The following MAN1B1 variants were observed in gnomAD, a reference collection of about 807,000 sequenced individuals.
MAN1B1 encodes the protein mannosidase alpha class 1B member 1, also known as endoplasmic reticulum mannosyl-oligosaccharide 1,2-alpha-mannosidase.
In MAN1B1, 66 loss-of-function variants were observed where a neutral mutation model predicts 75.5. That is an observed-to-expected ratio of 0.87 (90% CI 0.72 to 1.07). The LOEUF (loss-of-function observed/expected upper bound fraction) is 1.07. Ranked by LOEUF, MAN1B1 falls within the 50% of genes least tolerant of loss-of-function variation. The pLI, the probability that MAN1B1 is intolerant of heterozygous loss-of-function variation, is 0.00. For missense variants in MAN1B1, 973 were observed against 912.5 expected (o/e 1.07, Z -0.85); for synonymous variants, 453 against 382.8 (o/e 1.18, Z -2.14).
intron 3 of MAN1B1, among the ~76,000 whole-genome samples, chr9:137,095,058 C>T (rs1438936862): frequency 2.0e-5 from 3 of 148,092 alleles, no homozygotes; most frequent in African/African-American, 7.5e-5. Context: ...TGTGGTGACA[C>T]GCGCCTGTAA....
At chr9:137,107,772 G>A (rs757636811) in intron 12 of MAN1B1, 110 bp downstream of exon 12, 41 of 1,526,426 alleles carry the variant, frequency 2.7e-5, no homozygotes, top group Non-Finnish European at 3.5e-5. Context: ...ACCTGGATCC[G>A]GGAGGGGCGG....
rs531386653 is a variant in MAN1B1 at position 137,106,792 on chromosome 9, C to T, written c.1549C>T (p.Arg517Cys). Residue 517 changes from arginine (R) to cysteine (C), a missense_variant, in exon 10 of 13, where the codon CGC becomes TGC. Physicochemically the swap from Arg to Cys is radical, Grantham distance 180. Transcript: ENST00000371589. ...LTFVGELAHG[R>C]FSAKMDHLVC... is the part of the protein sequence containing the mutation. ...CTTTGTGGGGGAGCTTGCCCACGGC[C>T]GCTTCAGTGCCAAGATGGTGAGTGT... 119 of 1,613,394 alleles carry T rather than the reference C, an allele frequency of 7.4e-5. 1 individual carries two copies. In the South Asian group the frequency reaches 9.6e-4, roughly 13 times the overall value.
At chr9:137,102,284 T>A in intron 8 of MAN1B1, 1 of 324,666 alleles carries the variant, frequency 3.1e-6, no homozygotes. Flanking sequence ...GTTACACACA[T>A]TCACTGTTGC....
At chr9:137,105,473 C>G (rs115499281) in intron 8 of MAN1B1, 1 of 194,236 alleles carries the variant, frequency 5.1e-6, no homozygotes, top group African/African-American at 2.4e-5. Flanking sequence ...TGGTTGCTGC[C>G]GGTACACAGG....
intron 8 of MAN1B1, chr9:137,105,703 C>T (rs933478645): frequency 3.1e-5 from 11 of 351,074 alleles, no homozygotes; most frequent in East Asian, 1.6e-4. Context: ...GGCGTGGAGC[C>T]GAGGCGTTTA....
Position 137,108,771 on chromosome 9 carries a change from A to G in MAN1B1, c.*180A>G, listed in dbSNP as rs759308438. The G allele has an allele frequency of 1.8e-5, 13 of 715,308 alleles. No homozygotes were observed. Among genetic ancestry groups the G allele is most frequent in the South Asian group, 1.8e-4 (12 of 68,052 alleles). 44.3% of individuals were successfully genotyped at this position (715,308 alleles called of 1,614,324 possible). On this transcript the variant is annotated 3_prime_UTR_variant, in exon 13 of 13. Transcript: ENST00000371589. ...CACCGTGAGGACAAGTGAGGCCGTC[A>G]GTCTTGGTGTGATGCGGGGTGGGCT... is the stretch of plus-strand genomic sequence containing the variant.
intron 3 of MAN1B1, among the ~76,000 whole-genome samples, chr9:137,095,964 C>T (rs750820151): frequency 1.1e-4 from 16 of 152,168 alleles, no homozygotes; most frequent in African/African-American, 2.7e-4. Flanking sequence ...TTGTTATTAA[C>T]GCTTTAGGAC....
At position 137,087,464 on chromosome 9, in the gene MAN1B1, C is replaced by T. The variant is rs1424417344; in HGVS notation, c.219+246C>T. 4.4e-6 allele frequency: 3 copies of T among 688,912 alleles called. No homozygotes were observed. The South Asian group carries it at 4.5e-5, about 10-fold the overall frequency. 42.7% of individuals were successfully genotyped at this position (688,912 alleles called of 1,614,324 possible). Reference sequence around the variant, plus strand: ...GTGGGAAGAGGGCTCAGAGCCCCAGCAGGTTTTCTGGGCTTCGTTCGCTTT... The same window carrying T: ...GTGGGAAGAGGGCTCAGAGCCCCAGTAGGTTTTCTGGGCTTCGTTCGCTTT... On this transcript the variant is annotated intron_variant, in intron 1 of 12. Coordinates refer to ENST00000371589, the MANE Select transcript of MAN1B1 (RefSeq NM_016219.5).
chr9:137,092,284 G>C (rs1830537074), intron 3 of MAN1B1, among the ~76,000 whole-genome samples: 1 of 152,120 alleles, frequency 6.6e-6, no homozygotes, highest in Admixed American at 6.5e-5. Flanking sequence ...CTTAAGCCAG[G>C]GAGGTTGAGG....
At chr9:137,088,541 G>A (rs1205228868) in intron 2 of MAN1B1, 6 of 991,178 alleles carry the variant, frequency 6.1e-6, no homozygotes, top group South Asian at 1.3e-5. Context: ...TGAGGATGTG[G>A]AGAATCTCTT....
intron 8 of MAN1B1, chr9:137,104,109 C>T: frequency 2.2e-6 from 1 of 456,028 alleles, no homozygotes; most frequent in Middle Eastern, 3.3e-4. Context: ...AAAACTGAAG[C>T]TCTCCCATCA....
Position 137,108,371 on chromosome 9 carries a change from C to T in MAN1B1, c.1897-17C>T, listed in dbSNP as rs766907814. On this transcript the variant is annotated splice_polypyrimidine_tract_variant and intron_variant, in intron 12 of 12. Coordinates refer to ENST00000371589, the MANE Select transcript of MAN1B1 (RefSeq NM_016219.5). ...GGGTGCCCCCCGTGTGGTGACGAGG[C>T]CCTGGCTGCTGCACAGGTCCCCTCG... 1 of 1,610,484 alleles carries T rather than the reference C, an allele frequency of 6.2e-7. No homozygotes were observed. Among genetic ancestry groups the T allele is most frequent in the East Asian group, 2.2e-5 (1 of 44,862 alleles).
intron 5 of MAN1B1, among the ~76,000 whole-genome samples, chr9:137,098,354 A>G (rs1303357012): frequency 1.3e-5 from 2 of 151,900 alleles, no homozygotes; most frequent in African/African-American, 2.4e-5. Flanking sequence ...GCCTCTTTCA[A>G]CCTCATGACA....
chr9:137,106,353 C>A, intron 9 of MAN1B1, 38 bp downstream of exon 9: 2 of 1,529,340 alleles, frequency 1.3e-6, no homozygotes, highest in Non-Finnish European at 1.8e-6. Flanking sequence ...CCCGCGGCTC[C>A]CCCGTTCCCG....
intron 8 of MAN1B1, chr9:137,103,134 T>C (rs553946837): frequency 1.1e-5 from 5 of 443,902 alleles, no homozygotes; most frequent in African/African-American, 2.2e-5. Flanking sequence ...GGCGTGCAGG[T>C]CGGTGGTGTT....
At position 137,090,411 on chromosome 9, in the gene MAN1B1, G is replaced by A. The variant is rs144913684; in HGVS notation, c.465+1406G>A. Reference sequence around the variant, plus strand: ...GTGGCCTTGGGAGTGGTAACCTGCCGAGGAACAGCTCCTGGGCTGGGGAGC... The same window carrying A: ...GTGGCCTTGGGAGTGGTAACCTGCCAAGGAACAGCTCCTGGGCTGGGGAGC... On this transcript the variant is annotated intron_variant, in intron 3 of 12. Transcript: ENST00000371589. 1.1e-3 allele frequency among the ~76,000 whole-genome samples: 170 copies of A among 152,296 alleles called. 2 individuals are homozygous for A. The East Asian group carries it at 0.026, about 23-fold the overall frequency.
intron 6 of MAN1B1, among the ~76,000 whole-genome samples, chr9:137,100,412 G>A (rs911574158): frequency 2.6e-5 from 4 of 152,204 alleles, no homozygotes; most frequent in Non-Finnish European, 5.9e-5. Context: ...TGCTGACTCC[G>A]TTTTATTAAC....
At position 137,091,821 on chromosome 9, in the gene MAN1B1, C is replaced by T. The variant is rs150679787; in HGVS notation, c.465+2816C>T. Among the ~76,000 whole-genome samples, 69 of 152,196 alleles carry T rather than the reference C, an allele frequency of 4.5e-4. 1 individual carries two copies. The highest frequency in any genetic ancestry group is 1.5e-3 in the African/African-American group (62 of 41,542). Reference sequence around the variant, plus strand: ...GATTACAGGCGTGAGCCACCACGCCCGGCCTTAAAATTATTTAATAGAGAT... The same window carrying T: ...GATTACAGGCGTGAGCCACCACGCCTGGCCTTAAAATTATTTAATAGAGAT... On this transcript the variant is annotated intron_variant, in intron 3 of 12. Coordinates refer to ENST00000371589, the MANE Select transcript of MAN1B1 (RefSeq NM_016219.5).
intron 8 of MAN1B1, chr9:137,104,230 GT>G: frequency 2.7e-6 from 1 of 364,026 alleles, no homozygotes; most frequent in South Asian, 2.1e-5. Flanking sequence ...CACACGATTT[GT>G]CCTTTTTTTG....
Sources: gnomAD v4.1 joint callset for allele counts (sites outside exome capture counted in the v4.1 genomes callset) on GRCh38, gnomAD v4.1.1 for gene constraint, MANE v1.5 for transcripts, NCBI Gene and HGNC (gene_info 2026-07-23, HGNC 2026-07-21) for gene names.